Variants in CHSY3 observed in about 807,000 individuals in gnomAD.
The protein encoded by CHSY3 is N-acetylgalactosaminyl-proteoglycan 3-beta-glucuronosyltransferase 3.
CHSY3 carries 35 observed loss-of-function variants against 67.2 expected under a neutral mutation model. The observed-to-expected ratio is 0.52, with a 90% CI of 0.40 to 0.69. The LOEUF (loss-of-function observed/expected upper bound fraction) is 0.69. Ranked by LOEUF, CHSY3 falls within the 30% of genes least tolerant of loss-of-function variation. The probability of loss-of-function intolerance (pLI) is 0.00; values close to 1 mark genes in which losing one functional copy is unlikely to be tolerated. For missense variants in CHSY3, 1,069 were observed against 1,138.5 expected (o/e 0.94, Z 0.88); for synonymous variants, 474 against 434.7 (o/e 1.09, Z -1.12).
At chr5:130,020,422 AATAT>A (rs1174657766) in intron 2 of CHSY3, among the ~76,000 whole-genome samples, 9 of 33,350 alleles carry the variant, frequency 2.7e-4, no homozygotes, top group African/African-American at 6.4e-4. Flanking sequence ...TTCATCTCAA[AATAT>A]ATATATATAT....
At chr5:130,130,343 T>A (rs995843462) in intron 2 of CHSY3, among the ~76,000 whole-genome samples, 2 of 152,160 alleles carry the variant, frequency 1.3e-5, no homozygotes, top group Admixed American at 6.6e-5. Flanking sequence ...TGCCATGTAA[T>A]CATTTTGAAA....
chr5:129,969,888 A>G (rs1009271531), intron 2 of CHSY3, among the ~76,000 whole-genome samples: 2 of 151,900 alleles, frequency 1.3e-5, no homozygotes, highest in Non-Finnish European at 2.9e-5. Context: ...GAACTTTTCA[A>G]CCAAAATACT....
chr5:130,097,987 G>C (rs1469415690), intron 2 of CHSY3, among the ~76,000 whole-genome samples: 3 of 152,076 alleles, frequency 2.0e-5, no homozygotes, highest in Non-Finnish European at 4.4e-5. Flanking sequence ...CTGGGCGACA[G>C]AGCCAGACTC....
At chr5:130,054,289 C>G (rs1371256108) in intron 2 of CHSY3, among the ~76,000 whole-genome samples, 1 of 152,052 alleles carries the variant, frequency 6.6e-6, no homozygotes, top group Non-Finnish European at 1.5e-5. Context: ...ATGGATATAG[C>G]CTCCTATTTC....
At chr5:130,154,624 C>A (rs144672955) in intron 2 of CHSY3, among the ~76,000 whole-genome samples, 1 of 152,172 alleles carries the variant, frequency 6.6e-6, no homozygotes, top group East Asian at 1.9e-4. Flanking sequence ...GTGTCTTCTT[C>A]AATTCTGGTG....
intron 2 of CHSY3, among the ~76,000 whole-genome samples, chr5:130,146,301 G>A (rs1769072365): frequency 6.6e-6 from 1 of 152,116 alleles, no homozygotes. Flanking sequence ...ATTTTGCCAG[G>A]TGATGGTTGA....
chr5:130,144,408 A>G (rs1769009736), intron 2 of CHSY3, among the ~76,000 whole-genome samples: 1 of 152,178 alleles, frequency 6.6e-6, no homozygotes, highest in East Asian at 1.9e-4. Context: ...ATTATTTACA[A>G]TAGCTGCATA....
rs116529123 is a variant in CHSY3, at chr5:130,185,383, T to C, written c.2241T>C (p.Phe747=). The C allele has an allele frequency of 4.0e-3, 6,494 of 1,610,292 alleles. 15 individuals are homozygous for C. The highest frequency in any genetic ancestry group is 4.9e-3 in the Non-Finnish European group (5,720 of 1,176,528). ...AACAGGTGTACTATCCCATCATCTT[T>C]AGCCAGTATGACCCAAAGGTAACAA... ...QGQQVYYPII[F]SQYDPKVTNG... is the part of the protein sequence containing the mutation. Residue 747 remains phenylalanine (F), a synonymous_variant, in exon 3 of 3, where the codon TTT becomes TTC. Coordinates refer to ENST00000305031, the MANE Select transcript of CHSY3 (RefSeq NM_175856.5).
intron 2 of CHSY3, among the ~76,000 whole-genome samples, chr5:130,069,864 CCT>C (rs1364948710): frequency 6.6e-6 from 1 of 152,020 alleles, no homozygotes; most frequent in East Asian, 1.9e-4. Context: ...TTAGAGAATT[CCT>C]CTGTCATAAA....
intron 2 of CHSY3, among the ~76,000 whole-genome samples, chr5:130,036,530 G>T (rs1764867404): frequency 6.6e-6 from 1 of 152,022 alleles, no homozygotes. Context: ...CATGTCCCCT[G>T]TTAAACTGCA....
rs1259720054 is a variant in CHSY3, at chr5:130,185,140, C to T, written c.1998C>T (p.Asp666=). 6.2e-7 allele frequency: 1 copy of T among 1,600,538 alleles called. No homozygotes were observed. Residue 666 remains aspartate (D), a synonymous_variant, in exon 3 of 3, where the codon GAC becomes GAT. Transcript: ENST00000305031. ...IILFSRDSGQ[D]SSKHIELIKG... is the part of the protein sequence containing the mutation. ...TTTTCAGTAGGGATTCTGGCCAAGA[C>T]TCCAGCAAGCATATTGAGCTGATAA...
chr5:129,961,091 G>A (rs1762315980), intron 2 of CHSY3, among the ~76,000 whole-genome samples: 1 of 152,016 alleles, frequency 6.6e-6, no homozygotes, highest in Non-Finnish European at 1.5e-5. Context: ...ACAGACATGA[G>A]TTTTCAGAAA....
At chr5:130,037,605 G>A (rs1295393740) in intron 2 of CHSY3, among the ~76,000 whole-genome samples, 1 of 151,892 alleles carries the variant, frequency 6.6e-6, no homozygotes, top group Non-Finnish European at 1.5e-5. Flanking sequence ...TCTTAATCAT[G>A]CCTACTTGTC....
intron 2 of CHSY3, among the ~76,000 whole-genome samples, chr5:130,166,148 A>G (rs996341895): frequency 1.3e-5 from 2 of 152,132 alleles, no homozygotes; most frequent in East Asian, 3.8e-4. Context: ...TTATTCCTCA[A>G]ATCTCAGCAG....
At chr5:130,169,588 C>G (rs913296250) in intron 2 of CHSY3, among the ~76,000 whole-genome samples, 6 of 151,696 alleles carry the variant, frequency 4.0e-5, no homozygotes, top group Admixed American at 3.3e-4. Context: ...TTAATGCTCT[C>G]TAACATTAGT....
At chr5:130,038,388 C>T (rs1053431462) in intron 2 of CHSY3, among the ~76,000 whole-genome samples, 7 of 152,112 alleles carry the variant, frequency 4.6e-5, no homozygotes, top group Admixed American at 1.3e-4. Context: ...TCTTAAAGTA[C>T]AGAATGACCG....
Position 129,905,609 on chromosome 5 carries a change from C to T in CHSY3, c.780C>T (p.Ala260=). The T allele has an allele frequency of 6.2e-7, 1 of 1,613,664 alleles. No individual in the cohort carries two copies. The highest frequency in any genetic ancestry group is 8.5e-7 in the Non-Finnish European group (1 of 1,179,982). Residue 260 remains alanine (A), a synonymous_variant, in exon 1 of 3, where the codon GCC becomes GCT. Transcript: ENST00000305031. ...ACAAGTATGAGTGGTTCATGCGCGC[C>T]GACGACGATGTCTACATCAAAGGTG... The part of the protein sequence containing the change: ...YLDKYEWFMR[A]DDDVYIKGDK...
chr5:130,079,508 A>G (rs978774742), intron 2 of CHSY3, among the ~76,000 whole-genome samples: 6 of 152,102 alleles, frequency 3.9e-5, no homozygotes, highest in African/African-American at 1.4e-4. Context: ...TTATGATTTC[A>G]GTGAATGCTG....
chr5:130,020,695 G>T (rs1216748243), intron 2 of CHSY3, among the ~76,000 whole-genome samples: 1 of 151,814 alleles, frequency 6.6e-6, no homozygotes, highest in African/African-American at 2.4e-5. Flanking sequence ...TGGGAGTCTA[G>T]CCTAGGAATC....
Sources: gnomAD v4.1 joint callset for allele counts (sites outside exome capture counted in the v4.1 genomes callset) on GRCh38, gnomAD v4.1.1 for gene constraint, MANE v1.5 for transcripts, NCBI Gene and HGNC (gene_info 2026-07-23, HGNC 2026-07-21) for gene names.